Variants in CMIP observed in about 807,000 individuals in gnomAD.
CMIP encodes the protein C-Maf-inducing protein.
A neutral mutation model predicts 97.3 loss-of-function variants in CMIP; 13 were observed. The ratio of observed to expected loss-of-function variants is 0.13; its 90% CI spans 0.09 to 0.21. The LOEUF (loss-of-function observed/expected upper bound fraction) is 0.21, where lower values mean the gene tolerates loss of function less well. CMIP is among the 10% of genes least tolerant of loss of function. CMIP has a pLI of 1.00. For missense variants in CMIP, 847 were observed against 1,024.9 expected (o/e 0.83, Z 2.37); for synonymous variants, 538 against 436.3 (o/e 1.23, Z -2.91).
At chr16:81,580,708 T>A (rs1447365189) in intron 1 of CMIP, among the ~76,000 whole-genome samples, 1 of 151,938 alleles carries the variant, frequency 6.6e-6, no homozygotes, top group Non-Finnish European at 1.5e-5. Flanking sequence ...ACTGCTGGGA[T>A]TACAGGCGTG....
intron 14 of CMIP, among the ~76,000 whole-genome samples, chr16:81,699,046 A>T (rs769917902): frequency 3.9e-5 from 6 of 152,166 alleles, no homozygotes; most frequent in Non-Finnish European, 7.4e-5. Context: ...GAGTTCAGGA[A>T]TTCAAGACCA....
At chr16:81,593,555 G>T (rs1355545065) in intron 1 of CMIP, among the ~76,000 whole-genome samples, 2 of 152,230 alleles carry the variant, frequency 1.3e-5, no homozygotes, top group African/African-American at 4.8e-5. Flanking sequence ...GCTCTTTTCG[G>T]AGTAATCCGT....
chr16:81,595,033 GGT>G (rs2091530482), intron 1 of CMIP, among the ~76,000 whole-genome samples: 3 of 132,468 alleles, frequency 2.3e-5, no homozygotes, highest in African/African-American at 1.1e-4. Context: ...AATATCATGT[GGT>G]CTCTCTCTCT....
At chr16:81,701,831 C>T (rs1260711478) in intron 16 of CMIP, 31 bp downstream of exon 16, 8 of 1,611,998 alleles carry the variant, frequency 5.0e-6, no homozygotes, top group African/African-American at 4.0e-5. Flanking sequence ...GACCACTCCC[C>T]TGCCCAGCAG....
At chr16:81,702,515 C>A in intron 16 of CMIP, 107 bp from the exon 17 acceptor site, 1 of 1,180,764 alleles carries the variant, frequency 8.5e-7, no homozygotes, top group Non-Finnish European at 1.2e-6. Flanking sequence ...TGCCTTGTAC[C>A]ACCAAGAAAA....
chr16:81,705,866 C>G (rs1343904118), intron 19 of CMIP, among the ~76,000 whole-genome samples: 1 of 152,230 alleles, frequency 6.6e-6, no homozygotes, highest in Non-Finnish European at 1.5e-5. Context: ...CCCATAGCCT[C>G]TTGACACTCA....
At chr16:81,494,823 T>C (rs1252780464) in intron 1 of CMIP, among the ~76,000 whole-genome samples, 1 of 152,220 alleles carries the variant, frequency 6.6e-6, no homozygotes, top group African/African-American at 2.4e-5. Context: ...ATATTATTAA[T>C]AACAATAAAT....
At chr16:81,515,795 A>C (rs996958621) in intron 1 of CMIP, among the ~76,000 whole-genome samples, 11 of 152,084 alleles carry the variant, frequency 7.2e-5, no homozygotes, top group African/African-American at 2.4e-5. Context: ...CTTGTGTCCC[A>C]GGCTCCCGTG....
intron 3 of CMIP, among the ~76,000 whole-genome samples, chr16:81,644,578 A>C (rs772503402): frequency 1.3e-5 from 2 of 152,194 alleles, no homozygotes; most frequent in Non-Finnish European, 2.9e-5. Flanking sequence ...AAGGGAAGCT[A>C]TTCTGGAGGA....
At chr16:81,583,969 A>G (rs1030063245) in intron 1 of CMIP, among the ~76,000 whole-genome samples, 1 of 152,170 alleles carries the variant, frequency 6.6e-6, no homozygotes, top group African/African-American at 2.4e-5. Flanking sequence ...ATATTCCAGA[A>G]GAAAAATAAG....
chr16:81,536,018 G>A (rs2090336058), intron 1 of CMIP, among the ~76,000 whole-genome samples: 1 of 152,148 alleles, frequency 6.6e-6, no homozygotes, highest in Non-Finnish European at 1.5e-5. Flanking sequence ...TGTCTGCTGT[G>A]TGCTGTGGGC....
intron 1 of CMIP, among the ~76,000 whole-genome samples, chr16:81,474,681 G>A (rs868839252): frequency 6.6e-6 from 1 of 152,224 alleles, no homozygotes; most frequent in Non-Finnish European, 1.5e-5. Flanking sequence ...ACCACTGTCC[G>A]CCTGCGGAGG....
chr16:81,698,569 C>T (rs1401511029), intron 14 of CMIP, among the ~76,000 whole-genome samples: 1 of 152,146 alleles, frequency 6.6e-6, no homozygotes, highest in African/African-American at 2.4e-5. Flanking sequence ...TCAGCAGACT[C>T]CCGAGGGGAG....
intron 2 of CMIP, among the ~76,000 whole-genome samples, chr16:81,612,426 G>C (rs1366333703): frequency 6.6e-6 from 1 of 152,160 alleles, no homozygotes; most frequent in Admixed American, 6.5e-5. Flanking sequence ...TGGCAGCAGG[G>C]CAGGGACGGG....
At position 81,614,737 on chromosome 16, in the gene CMIP, CTGTG is replaced by C. The variant is rs926078112; in HGVS notation, c.427-6138_427-6135del. The stretch of plus-strand genomic sequence containing the variant: ...TGTGTGTGCGTACACATGTGTGTCT[CTGTG>C]AGTGTGTATGTGTCTATGTCTGTGG... On this transcript the variant is annotated intron_variant, in intron 2 of 20. Transcript: ENST00000537098. This position sits in a 1 kb window ranked among gnomAD's most constrained non-coding sequence, Gnocchi z 5.3. Among the ~76,000 whole-genome samples, 2 of 150,574 alleles carry C rather than the reference CTGTG, an allele frequency of 1.3e-5. No individual in the cohort carries two copies. The highest frequency in any genetic ancestry group is 3.0e-5 in the Non-Finnish European group (2 of 67,594).
At chr16:81,706,145 G>T (rs1908113201) in intron 19 of CMIP, among the ~76,000 whole-genome samples, 1 of 152,238 alleles carries the variant, frequency 6.6e-6, no homozygotes, top group Admixed American at 6.5e-5. Context: ...CCAAACCCCA[G>T]GTGACTGAAC....
At chr16:81,553,673 A>G (rs116760703) in intron 1 of CMIP, among the ~76,000 whole-genome samples, 417 of 152,330 alleles carry the variant, frequency 2.7e-3, no homozygotes, top group African/African-American at 9.6e-3. Context: ...CCAGCTTCAC[A>G]CGCACCTCTC....
At chr16:81,668,998 T>G (rs1184940712) in intron 7 of CMIP, among the ~76,000 whole-genome samples, 1 of 96,184 alleles carries the variant, frequency 1.0e-5, no homozygotes, top group East Asian at 3.6e-4. Context: ...CACACTCTCC[T>G]CCTTCCACAC....
At chr16:81,599,341 A>G (rs1028799978) in intron 1 of CMIP, among the ~76,000 whole-genome samples, 1 of 152,182 alleles carries the variant, frequency 6.6e-6, no homozygotes, top group African/African-American at 2.4e-5. Flanking sequence ...CTAGGATCAT[A>G]TCGTTACCTG....
Sources: gnomAD v4.1 joint callset for allele counts (sites outside exome capture counted in the v4.1 genomes callset) on GRCh38, gnomAD v4.1.1 for gene constraint, Gnocchi (gnomAD v3.1) non-coding constraint, MANE v1.5 for transcripts, NCBI Gene and HGNC (gene_info 2026-07-23, HGNC 2026-07-21) for gene names.